Variants in TLK1 observed in about 807,000 individuals in gnomAD.
The protein encoded by TLK1 is tousled like kinase 1.
A neutral mutation model predicts 105.3 loss-of-function variants in TLK1; 24 were observed. That is an observed-to-expected ratio of 0.23 (90% CI 0.17 to 0.32). TLK1 has a LOEUF of 0.32. Ranked by LOEUF, TLK1 falls within the 10% of genes least tolerant of loss-of-function variation. The probability of loss-of-function intolerance (pLI) is 1.00; values close to 1 mark genes in which losing one functional copy is unlikely to be tolerated. For missense variants in TLK1, 558 were observed against 910.5 expected, an observed-to-expected ratio of 0.61 and a Z score of 4.98; for synonymous variants, 321 against 310.4, an observed-to-expected ratio of 1.03 and a Z score of -0.36.
rs531330956 is a variant in TLK1, at chr2:171,023,934, C to T, written c.1236+4405G>A. ...AACTTATCAGAGACAGGTATCAAAA[C>T]CTGATCAACTATAAGAGCAAACTGG... On this transcript the variant is annotated intron_variant, in intron 12 of 20. Transcript: ENST00000431350. 3.3e-5 allele frequency among the ~76,000 whole-genome samples: 5 copies of T among 152,256 alleles called. 1 individual carries two copies. The highest frequency in any genetic ancestry group is 1.2e-4 in the African/African-American group (5 of 41,538).
intron 7 of TLK1, 86 bp downstream of exon 7, chr2:171,054,997 T>C: frequency 1.4e-6 from 1 of 716,074 alleles, no homozygotes. Flanking sequence ...TGACTACATA[T>C]AAAACAAACA....
intron 1 of TLK1, among the ~76,000 whole-genome samples, chr2:171,146,500 A>G (rs1034920030): frequency 6.6e-6 from 1 of 152,210 alleles, no homozygotes. Flanking sequence ...ACAATGGAAA[A>G]TATTCAAATA....
chr2:171,164,102 T>A (rs566930080), upstream of TLK1, among the ~76,000 whole-genome samples: 2 of 152,314 alleles, frequency 1.3e-5, no homozygotes, highest in African/African-American at 4.8e-5. Flanking sequence ...ATATACATGA[T>A]CAACTTACTT....
rs79816345 is a variant in TLK1, at chr2:171,203,981, G to A, written c.-6+27164C>T. On this transcript the variant is annotated intron_variant, in intron 1 of 20. Coordinates refer to the TLK1 transcript ENST00000521943. ...GCAGGAGAATCGCTTGAACCGGTGG[G>A]GGGCAGAGCTTGCAGTGAGCTGAAA... Among the ~76,000 whole-genome samples the A allele has an allele frequency of 4.6e-5, 7 of 152,132 alleles. No homozygotes were observed. The East Asian group carries it at 1.2e-3, about 25-fold the overall frequency.
intron 1 of TLK1, among the ~76,000 whole-genome samples, chr2:171,218,650 C>G (rs1693756916): frequency 6.6e-6 from 1 of 152,274 alleles, no homozygotes; most frequent in East Asian, 1.9e-4. Flanking sequence ...CTCTCTGCTT[C>G]CAAGATGGCA....
At chr2:171,188,576 T>G (rs1258121569) in intron 1 of TLK1, among the ~76,000 whole-genome samples, 7 of 151,944 alleles carry the variant, frequency 4.6e-5, no homozygotes, top group African/African-American at 1.7e-4. Flanking sequence ...TGTGGTGGTG[T>G]GCACCTGTAT....
intron 1 of TLK1, among the ~76,000 whole-genome samples, chr2:171,120,108 G>A (rs1690590503): frequency 6.6e-6 from 1 of 151,938 alleles, no homozygotes; most frequent in South Asian, 2.1e-4. Context: ...AATTAGCCGA[G>A]CGTGGTGGTG....
intron 2 of TLK1, among the ~76,000 whole-genome samples, chr2:171,097,577 A>G (rs1054196416): frequency 7.9e-5 from 12 of 152,226 alleles, no homozygotes; most frequent in African/African-American, 2.4e-4. Flanking sequence ...CATGTATCTG[A>G]TAAGAGCTTA....
At chr2:171,054,951 A>T (rs1687424574) in intron 7 of TLK1, 132 bp downstream of exon 7, 3 of 460,106 alleles carry the variant, frequency 6.5e-6, no homozygotes, top group African/African-American at 2.0e-5. Flanking sequence ...GTTTTTGTTT[A>T]GTAAGTTATC....
At chr2:171,098,114 A>C (rs751096301) in intron 2 of TLK1, among the ~76,000 whole-genome samples, 10 of 152,200 alleles carry the variant, frequency 6.6e-5, no homozygotes, top group Non-Finnish European at 1.2e-4. Context: ...GGTAGGGGAA[A>C]TGGGGAGATT....
In TLK1 at chr2:171,160,841, AGGC is replaced by A. The variant is rs143684570; in HGVS notation, c.-416_-414del. On this transcript the variant is annotated 5_prime_UTR_variant, in exon 1 of 21. Coordinates refer to ENST00000431350, the MANE Select transcript of TLK1 (RefSeq NM_012290.5). The surrounding 1 kb of genome is among the most constrained non-coding windows in gnomAD (Gnocchi z 4.4). Reference sequence around the variant, plus strand: ...GCGTCGGCCCCCGGCGTCGCCCGGGAGGCGGCGGCGGCGGGCTGTGGGTGGCGG... The same window carrying A: ...GCGTCGGCCCCCGGCGTCGCCCGGGAGGCGGCGGCGGGCTGTGGGTGGCGG... 5.2e-4 allele frequency: 168 copies of A among 320,434 alleles called. No homozygotes were observed. The highest frequency in any genetic ancestry group is 2.4e-3 in the Middle Eastern group (3 of 1,234). 19.8% of individuals were successfully genotyped at this position (320,434 alleles called of 1,614,324 possible). A position where few individuals can be genotyped will look rare whatever the true frequency, so the allele number is the denominator to read the frequency against.
Position 171,016,326 on chromosome 2 carries a change from GTC to G in TLK1, c.1237-1380_1237-1379del, listed in dbSNP as rs367664295. ...CTGGCTATTTTTTTGTAGAGATGGG[GTC>G]TCACTGTGTTGCCCAGGCTAGTCCT... is the stretch of plus-strand genomic sequence containing the variant. On this transcript the variant is annotated intron_variant, in intron 12 of 20. Transcript: ENST00000431350. Among the ~76,000 whole-genome samples the G allele has an allele frequency of 1.8e-4, 28 of 152,198 alleles. 1 individual carries two copies. Among genetic ancestry groups the G allele is most frequent in the African/African-American group, 6.3e-4 (26 of 41,550 alleles).
chr2:171,119,273 G>A (rs1690554901), intron 1 of TLK1, among the ~76,000 whole-genome samples: 1 of 152,086 alleles, frequency 6.6e-6, no homozygotes, highest in Non-Finnish European at 1.5e-5. Context: ...ATCAGAAACT[G>A]TATATTATTC....
chr2:171,196,037 CA>C lies in TLK1; in HGVS notation c.-6+35107del, dbSNP rs71013021. On this transcript the variant is annotated intron_variant, in intron 1 of 20. Transcript: ENST00000521943. The stretch of plus-strand genomic sequence containing the variant: ...TGAGTAACAGAGTGAGACTCTGTAT[CA>C]AAAAAAAAAAAAAAGAAAGAAAGAA... 4.3e-3 allele frequency among the ~76,000 whole-genome samples: 483 copies of C among 111,952 alleles called. 6 individuals carry two copies. Among genetic ancestry groups the C allele is most frequent in the African/African-American group, 0.015 (452 of 29,236 alleles). 73.4% of individuals were successfully genotyped at this position (111,952 alleles called of 152,430 possible).
chr2:171,136,581 GGAAAA>G (rs1457479552), intron 1 of TLK1, among the ~76,000 whole-genome samples: 1 of 152,102 alleles, frequency 6.6e-6, no homozygotes, highest in African/African-American at 2.4e-5. Flanking sequence ...GGACAGGAAA[GGAAAA>G]GAAAAGGCTA....
Position 171,148,906 on chromosome 2 carries a change from T to C in TLK1, c.139+11384A>G, listed in dbSNP as rs753325471. 8.3e-5 allele frequency among the ~76,000 whole-genome samples: 12 copies of C among 143,900 alleles called. No homozygotes were observed. The East Asian group carries it at 1.2e-3, about 15-fold the overall frequency. 94.4% of individuals were successfully genotyped at this position (143,900 alleles called of 152,430 possible). A position where few individuals can be genotyped will look rare whatever the true frequency, so the allele number is the denominator to read the frequency against. ...AAAAAAAAAAATATATATATATATA[T>C]ATATATGTGTGTGTGTGTGTGCGTG... On this transcript the variant is annotated intron_variant, in intron 1 of 20. Coordinates refer to ENST00000431350, the MANE Select transcript of TLK1 (RefSeq NM_012290.5).
At chr2:171,191,499 C>T (rs549578549) in intron 1 of TLK1, among the ~76,000 whole-genome samples, 15 of 152,152 alleles carry the variant, frequency 9.9e-5, no homozygotes, top group Admixed American at 3.3e-4. Flanking sequence ...GGATTGGTTG[C>T]GCCCAGGAGT....
At chr2:171,054,846 G>T in intron 7 of TLK1, 1 of 294,430 alleles carries the variant, frequency 3.4e-6, no homozygotes, top group African/African-American at 2.2e-5. Context: ...AGTTCAGAAA[G>T]AATCAGTAAA....
intron 8 of TLK1, among the ~76,000 whole-genome samples, chr2:171,053,214 T>C (rs1687325592): frequency 6.6e-6 from 1 of 152,216 alleles, no homozygotes; most frequent in South Asian, 2.1e-4. Context: ...GTTATGGTAG[T>C]TGGTCATATA....
Sources: gnomAD v4.1 joint callset for allele counts (sites outside exome capture counted in the v4.1 genomes callset) on GRCh38, gnomAD v4.1.1 for gene constraint, Gnocchi (gnomAD v3.1) non-coding constraint, MANE v1.5 for transcripts, NCBI Gene and HGNC (gene_info 2026-07-23, HGNC 2026-07-21) for gene names.